RBFOX1: variants seen among roughly 807,000 people sequenced by gnomAD.
RBFOX1 encodes the protein RNA binding fox-1 homolog 1, also known as RNA binding protein fox-1 homolog 1.
RBFOX1 carries 8 observed loss-of-function variants against 57.7 expected under a neutral mutation model. That is an observed-to-expected ratio of 0.14 (90% CI 0.08 to 0.25). RBFOX1 has a LOEUF of 0.25. RBFOX1 is among the 10% of genes least tolerant of loss of function. The pLI is 1.00. For synonymous variants in RBFOX1, 326 were observed against 222.4 expected (o/e 1.47, Z -4.15); for missense variants, 611 against 548.5 (o/e 1.11, Z -1.14).
chr16:5,531,631 A>G (rs539359434), intron 2 of RBFOX1, among the ~76,000 whole-genome samples: 77 of 134,142 alleles, frequency 5.7e-4, no homozygotes, highest in African/African-American at 2.3e-3. Flanking sequence ...AGGATTAGCA[A>G]TACCCCATGC....
chr16:7,627,370 C>T (rs923943675), intron 10 of RBFOX1, among the ~76,000 whole-genome samples: 3 of 152,162 alleles, frequency 2.0e-5, no homozygotes, highest in East Asian at 1.9e-4. Context: ...TGATTAATTC[C>T]GTTCTGGCTA....
chr16:7,184,920 G>T (rs114100668), intron 4 of RBFOX1, among the ~76,000 whole-genome samples: 1,713 of 152,138 alleles, frequency 0.011, 37 homozygotes, highest in African/African-American at 0.039. Context: ...ATGCTTACTT[G>T]GTGCCCAAAG....
intron 3 of RBFOX1, among the ~76,000 whole-genome samples, chr16:6,692,085 C>A (rs536423695): frequency 6.6e-6 from 1 of 152,120 alleles, no homozygotes; most frequent in African/African-American, 2.4e-5. Context: ...TACAGAACTG[C>A]AAGATAATAA....
intron 13 of RBFOX1, chr16:7,671,495 T>G (rs898168183): frequency 1.4e-6 from 2 of 1,436,420 alleles, no homozygotes; most frequent in Non-Finnish European, 1.9e-6. Context: ...GTCTGACTTA[T>G]GCATTCTCTT....
intron 4 of RBFOX1, among the ~76,000 whole-genome samples, chr16:7,257,146 AC>A (rs1472640321): frequency 6.6e-6 from 1 of 151,938 alleles, no homozygotes; most frequent in Admixed American, 6.6e-5. Context: ...CCTTCGGAAA[AC>A]CCTTTCCGGT....
chr16:6,441,072 T>C (rs2094368349), intron 2 of RBFOX1, among the ~76,000 whole-genome samples: 1 of 152,260 alleles, frequency 6.6e-6, no homozygotes, highest in East Asian at 1.9e-4. Flanking sequence ...CCAAGAGTGA[T>C]GACCAGAGTC....
chr16:5,351,686 C>A (rs2065265413), intron 1 of RBFOX1, among the ~76,000 whole-genome samples: 1 of 152,160 alleles, frequency 6.6e-6, no homozygotes, highest in Non-Finnish European at 1.5e-5. Flanking sequence ...CTAGAGCGGT[C>A]AAGGGAGGAA....
chr16:6,834,162 C>G (rs1352272288), intron 3 of RBFOX1, among the ~76,000 whole-genome samples: 1 of 152,094 alleles, frequency 6.6e-6, no homozygotes, highest in African/African-American at 2.4e-5. Context: ...CAACCTCCGC[C>G]TCCCCAGTTC....
At chr16:6,809,321 A>T (rs943328309) in intron 3 of RBFOX1, among the ~76,000 whole-genome samples, 19 of 152,304 alleles carry the variant, frequency 1.2e-4, no homozygotes, top group African/African-American at 4.3e-4. Flanking sequence ...CTTTAACCAG[A>T]GGGAAGAAAT....
chr16:7,215,519 A>G (rs2091891092), intron 4 of RBFOX1, among the ~76,000 whole-genome samples: 1 of 152,194 alleles, frequency 6.6e-6, no homozygotes, highest in African/African-American at 2.4e-5. Context: ...CGATTTACAC[A>G]GTGCAAAATT....
At chr16:7,352,472 G>A (rs1463126533) in intron 4 of RBFOX1, among the ~76,000 whole-genome samples, 1 of 152,150 alleles carries the variant, frequency 6.6e-6, no homozygotes, top group Non-Finnish European at 1.5e-5. Context: ...AAGACGTGGG[G>A]TGGGTAAGAA....
At chr16:5,576,273 G>A (rs893471384) in intron 2 of RBFOX1, among the ~76,000 whole-genome samples, 7 of 152,188 alleles carry the variant, frequency 4.6e-5, no homozygotes, top group Admixed American at 2.0e-4. Context: ...GATTACAGGC[G>A]TGAGCCACTA....
At position 6,019,792 on chromosome 16, in the gene RBFOX1, C is replaced by CGG. The variant is rs1200407871; in HGVS notation, c.-326_-325dup. ...GTGGCCGCCAGGGTCCCCGCCTGTC[C>CGG]GGACCCTCGCCGCGCCCAGGCAGGC... On this transcript the variant is annotated 5_prime_UTR_variant, in exon 1 of 16. Transcript: ENST00000550418. This position sits in a 1 kb window ranked among gnomAD's most constrained non-coding sequence, Gnocchi z 4.2. The CGG allele has an allele frequency of 4.1e-6, 6 of 1,476,412 alleles. No homozygotes were observed. Among genetic ancestry groups the CGG allele is most frequent in the Non-Finnish European group, 3.6e-6 (4 of 1,112,184 alleles). 91.5% of individuals were successfully genotyped at this position (1,476,412 alleles called of 1,614,324 possible). A position where few individuals can be genotyped will look rare whatever the true frequency, so the allele number is the denominator to read the frequency against.
intron 3 of RBFOX1, among the ~76,000 whole-genome samples, chr16:6,850,006 A>T (rs1437697314): frequency 6.6e-6 from 1 of 152,202 alleles, no homozygotes; most frequent in East Asian, 1.9e-4. Context: ...AACAAAAGTG[A>T]CAAGTGACAT....
intron 1 of RBFOX1, among the ~76,000 whole-genome samples, chr16:5,266,504 T>G (rs1422384436): frequency 2.6e-5 from 4 of 151,872 alleles, no homozygotes; most frequent in African/African-American, 9.7e-5. Flanking sequence ...GGGGCTGTAA[T>G]GTTCTGTTTC....
chr16:6,350,525 A>G (rs868397938), intron 2 of RBFOX1, among the ~76,000 whole-genome samples: 1 of 145,674 alleles, frequency 6.9e-6, no homozygotes, highest in Non-Finnish European at 1.5e-5. Context: ...TATACTTCCC[A>G]ACTTCTAAGT....
At chr16:5,904,394 G>A (rs2058390789) in intron 4 of RBFOX1, among the ~76,000 whole-genome samples, 1 of 152,126 alleles carries the variant, frequency 6.6e-6, no homozygotes, top group Admixed American at 6.5e-5. Context: ...TTAGGAGCTC[G>A]TTTTGTCTCA....
chr16:7,591,026 G>C (rs931054851), intron 7 of RBFOX1, among the ~76,000 whole-genome samples: 1 of 152,146 alleles, frequency 6.6e-6, no homozygotes, highest in Non-Finnish European at 1.5e-5. Flanking sequence ...GAAGATGAGT[G>C]ACTGCAGTAG....
At chr16:6,557,959 C>A (rs896495525) in intron 2 of RBFOX1, among the ~76,000 whole-genome samples, 3 of 152,294 alleles carry the variant, frequency 2.0e-5, no homozygotes, top group Admixed American at 2.0e-4. Context: ...TAAATTCTTT[C>A]TTGCCACAAC....
Sources: gnomAD v4.1 joint callset for allele counts (sites outside exome capture counted in the v4.1 genomes callset) on GRCh38, gnomAD v4.1.1 for gene constraint, Gnocchi (gnomAD v3.1) non-coding constraint, MANE v1.5 for transcripts, NCBI Gene and HGNC (gene_info 2026-07-23, HGNC 2026-07-21) for gene names.